NCOR1: variants seen among roughly 807,000 people sequenced by gnomAD.
The protein encoded by NCOR1 is nuclear receptor corepressor 1.
Under a neutral mutation model 288.1 loss-of-function variants are expected in NCOR1, and 63 were observed. That is an observed-to-expected ratio of 0.22 (90% confidence interval 0.18 to 0.27). The LOEUF is 0.27. Ranked by LOEUF, NCOR1 falls within the 10% of genes least tolerant of loss-of-function variation. The pLI, the probability that NCOR1 is intolerant of heterozygous loss-of-function variation, is 1.00. For missense variants in NCOR1, 2,397 were observed against 3,019.2 expected (o/e 0.79, Z 4.83); for synonymous variants, 1,007 against 1,065.9 (o/e 0.94, Z 1.08).
Position 16,057,685 on chromosome 17 carries a change from T to C in NCOR1, c.6221A>G (p.Gln2074Arg). 6.2e-7 allele frequency: 1 copy of C among 1,614,034 alleles called. No individual in the cohort carries two copies. The highest frequency in any genetic ancestry group is 8.5e-7 in the Non-Finnish European group (1 of 1,180,014). The change falls in exon 40 of 46, where the codon CAG becomes CGG. Residue 2074 changes from glutamine (Q) to arginine (R), a missense_variant. Transcript: ENST00000268712. ...CTGGAATGTAGAAGTAGGAGGCTGC[T>C]GGGGAGTCTGCGAGGAAACTTGATT... ...ARNQVSSQTP[Q>R]QPPTSTFQNS...
chr17:16,132,958 T>C (rs1011366882), intron 14 of NCOR1, among the ~76,000 whole-genome samples: 1 of 151,336 alleles, frequency 6.6e-6, no homozygotes, highest in African/African-American at 2.4e-5. Context: ...TTCCTTCCTT[T>C]TCTCTTTCTC....
intron 26 of NCOR1, among the ~76,000 whole-genome samples, chr17:16,078,340 G>GT (rs1323321771): frequency 2.0e-5 from 3 of 152,202 alleles, no homozygotes; most frequent in Admixed American, 6.6e-5. Context: ...GAACTCATTA[G>GT]TAAGTGTCTA....
In NCOR1 at chr17:16,078,741, A is replaced by C. The variant is rs558716695; in HGVS notation, c.3501+1223T>G. 2.0e-5 allele frequency among the ~76,000 whole-genome samples: 3 copies of C among 152,138 alleles called. No individual in the cohort carries two copies. In the East Asian group the frequency reaches 5.8e-4, roughly 29 times the overall value. On this transcript the variant is annotated intron_variant, in intron 26 of 45. Transcript: ENST00000268712. The stretch of plus-strand genomic sequence containing the variant: ...CAGGCGCACACCACTATGCCCGCCT[A>C]ATTTTTGTATTTTTAGTAGAGACGG...
chr17:16,081,956 G>A (rs947919568), intron 23 of NCOR1, among the ~76,000 whole-genome samples: 1 of 152,176 alleles, frequency 6.6e-6, no homozygotes, highest in Non-Finnish European at 1.5e-5. Flanking sequence ...GGCTCTGCAC[G>A]CCAGGAAGTA....
At chr17:16,033,084 G>A (rs1972608009) in intron 45 of NCOR1, among the ~76,000 whole-genome samples, 1 of 152,048 alleles carries the variant, frequency 6.6e-6, no homozygotes, top group Non-Finnish European at 1.5e-5. Flanking sequence ...AGTGGCTCAC[G>A]CCTGTAATCC....
intron 3 of NCOR1, among the ~76,000 whole-genome samples, chr17:16,176,413 C>T (rs907757444): frequency 5.3e-5 from 8 of 151,890 alleles, no homozygotes; most frequent in African/African-American, 1.7e-4. Flanking sequence ...GGATTATAGA[C>T]GTGCGCCACC....
chr17:16,056,513 A>T (rs1209332928), intron 40 of NCOR1, among the ~76,000 whole-genome samples: 1 of 151,382 alleles, frequency 6.6e-6, no homozygotes, highest in Non-Finnish European at 1.5e-5. Context: ...ACGGGGTTTC[A>T]CCATGTTGGC....
At position 16,160,513 on chromosome 17, in the gene NCOR1, C is replaced by T. The variant is rs554792812; in HGVS notation, c.619-1640G>A. On this transcript the variant is annotated intron_variant, in intron 5 of 45. Coordinates refer to ENST00000268712, the MANE Select transcript of NCOR1 (RefSeq NM_006311.4). ...ATACTACTAAATAAGACTGATAGGC[C>T]GGGTGCAATGGCTCACACCTGTAAT... Among the ~76,000 whole-genome samples the T allele has an allele frequency of 2.1e-4, 32 of 152,184 alleles. No homozygotes were observed. The East Asian group carries it at 2.7e-3, about 13-fold the overall frequency.
intron 6 of NCOR1, among the ~76,000 whole-genome samples, chr17:16,154,828 A>C (rs1212641109): frequency 6.6e-6 from 1 of 152,230 alleles, no homozygotes; most frequent in Admixed American, 6.5e-5. Flanking sequence ...GCTCAAATTA[A>C]GCTAATGATA....
intron 28 of NCOR1, 35 bp downstream of exon 28, chr17:16,073,392 CAT>C (rs1266565338): frequency 6.6e-7 from 1 of 1,515,832 alleles, no homozygotes; most frequent in East Asian, 2.4e-5. Context: ...TATAAAATAA[CAT>C]GTATCAAAAT....
At chr17:16,139,814 AT>A (rs1446646647) in intron 11 of NCOR1, among the ~76,000 whole-genome samples, 1 of 152,184 alleles carries the variant, frequency 6.6e-6, no homozygotes, top group African/African-American at 2.4e-5. Flanking sequence ...AACTGAGGAA[AT>A]TTTTAAGTAC....
intron 25 of NCOR1, 45 bp downstream of exon 25, chr17:16,080,363 A>G (rs1447755744): frequency 4.8e-6 from 7 of 1,456,682 alleles, no homozygotes; most frequent in Non-Finnish European, 6.6e-6. Flanking sequence ...TAATAAATTT[A>G]TTGGGGACAA....
chr17:16,045,110 G>GA (rs1163735987), intron 42 of NCOR1: 1 of 278,806 alleles, frequency 3.6e-6, no homozygotes, highest in African/African-American at 2.2e-5. Context: ...AGTGAGTGCT[G>GA]AGAGAACACG....
intron 37 of NCOR1, among the ~76,000 whole-genome samples, chr17:16,060,071 A>G (rs936485326): frequency 7.9e-5 from 12 of 152,168 alleles, no homozygotes; most frequent in African/African-American, 2.9e-4. Context: ...CCGTGTTCAC[A>G]TTGTTCTTGA....
chr17:16,119,938 G>A (rs2153140192), intron 16 of NCOR1, among the ~76,000 whole-genome samples: 1 of 152,052 alleles, frequency 6.6e-6, no homozygotes, highest in Non-Finnish European at 1.5e-5. Context: ...ACATCCAGTG[G>A]GTAAAGATGG....
At chr17:16,122,027 G>A (rs943106670) in intron 15 of NCOR1, among the ~76,000 whole-genome samples, 1 of 152,190 alleles carries the variant, frequency 6.6e-6, no homozygotes, top group Non-Finnish European at 1.5e-5. Flanking sequence ...ACCCAGAACA[G>A]TGCCTGGAAC....
chr17:16,037,878 G>A (rs1000768730), intron 44 of NCOR1, among the ~76,000 whole-genome samples: 3 of 152,170 alleles, frequency 2.0e-5, no homozygotes, highest in Non-Finnish European at 4.4e-5. Context: ...AGAGATCAGA[G>A]CCCAGGTCAT....
At chr17:16,034,677 G>C in intron 45 of NCOR1, 88 bp downstream of exon 45, 1 of 1,195,060 alleles carries the variant, frequency 8.4e-7, no homozygotes, top group Non-Finnish European at 1.2e-6. Flanking sequence ...TTCCAAATTA[G>C]AAGAGTTGCT....
At chr17:16,087,698 G>C (rs191462043) in intron 22 of NCOR1, among the ~76,000 whole-genome samples, 50 of 152,260 alleles carry the variant, frequency 3.3e-4, no homozygotes, top group Non-Finnish European at 5.4e-4. Context: ...TTAGCTTTGC[G>C]AGGATTTCAC....
Sources: allele counts gnomAD v4.1 joint callset (sites outside exome capture counted in the v4.1 genomes callset), GRCh38; gene constraint gnomAD v4.1.1; transcripts MANE v1.5; gene names NCBI Gene and HGNC (gene_info 2026-07-23, HGNC 2026-07-21).